The following NYAP2 variants were observed in gnomAD, a reference collection of about 807,000 sequenced individuals.
NYAP2 encodes the protein neuronal tyrosine-phosphorylated phosphoinositide-3-kinase adapter 2.
In NYAP2, 23 loss-of-function variants were observed where a neutral mutation model predicts 50.4. The ratio of observed to expected loss-of-function variants is 0.46; its 90% confidence interval spans 0.33 to 0.65. NYAP2 has a LOEUF of 0.65. Ranked by LOEUF, NYAP2 falls within the 30% of genes least tolerant of loss-of-function variation. The pLI is 0.02. For missense variants in NYAP2, 885 were observed against 861.0 expected, an observed-to-expected ratio of 1.03 and a Z score of -0.35; for synonymous variants, 394 against 365.2, an observed-to-expected ratio of 1.08 and a Z score of -0.90.
chr2:225,573,557 TTTA>T (rs140417749), intron 4 of NYAP2, among the ~76,000 whole-genome samples: 3,816 of 152,036 alleles, frequency 0.025, 150 homozygotes, highest in African/African-American at 0.087. Flanking sequence ...GCCCCAAAAT[TTTA>T]TTATTTCTTG....
chr2:225,691,421 T>C, the NYAP2 span, among the ~76,000 whole-genome samples: 2 of 152,258 alleles, frequency 1.3e-5, no homozygotes, highest in South Asian at 4.2e-4. Context: ...TTTAAAAATA[T>C]AAAAACAAAT....
chr2:225,408,498 C>T (rs925976957), intron 2 of NYAP2, among the ~76,000 whole-genome samples: 3 of 151,962 alleles, frequency 2.0e-5, no homozygotes, highest in African/African-American at 7.2e-5. Context: ...ATCAGAAATA[C>T]ATGAAGTTTG....
At chr2:225,566,893 G>T (rs529107677) in intron 4 of NYAP2, among the ~76,000 whole-genome samples, 2 of 152,138 alleles carry the variant, frequency 1.3e-5, no homozygotes, top group East Asian at 3.9e-4. Flanking sequence ...TAGATCTCTC[G>T]GTTTGAGGAA....
At position 225,617,378 on chromosome 2, in the gene NYAP2, G is replaced by A. The variant is rs917068397; in HGVS notation, c.1619-9539G>A. Among the ~76,000 whole-genome samples, 3 of 151,900 alleles carry A rather than the reference G, an allele frequency of 2.0e-5. No homozygotes were observed. In the East Asian group the frequency reaches 5.8e-4, roughly 29 times the overall value. ...CGGGAGATGGAGGTTGCGGTGAGCC[G>A]AGATTGCACCATTGCACTCCAGCCT... On this transcript the variant is annotated intron_variant, in intron 5 of 6. Transcript: ENST00000636099.
intron 3 of NYAP2, among the ~76,000 whole-genome samples, chr2:225,467,987 G>A (rs1689949128): frequency 1.3e-5 from 2 of 152,134 alleles, no homozygotes; most frequent in African/African-American, 4.8e-5. Context: ...AAAAAAGGGT[G>A]AACTGGAGAA....
intron 3 of NYAP2, among the ~76,000 whole-genome samples, chr2:225,483,087 CTG>C (rs1690232865): frequency 6.6e-6 from 1 of 152,142 alleles, no homozygotes; most frequent in African/African-American, 2.4e-5. Flanking sequence ...ATGTGAAAAT[CTG>C]TCATTTATTT....
At chr2:225,517,904 T>G (rs1690963913) in intron 4 of NYAP2, among the ~76,000 whole-genome samples, 1 of 152,016 alleles carries the variant, frequency 6.6e-6, no homozygotes, top group Non-Finnish European at 1.5e-5. Context: ...AAGATAGCCA[T>G]TAAGGAATAG....
intron 3 of NYAP2, among the ~76,000 whole-genome samples, chr2:225,502,836 G>C (rs770732880): frequency 6.6e-6 from 1 of 152,102 alleles, no homozygotes; most frequent in African/African-American, 2.4e-5. Context: ...GAAATCATAG[G>C]GGTTCAAGAG....
intron 3 of NYAP2, among the ~76,000 whole-genome samples, chr2:225,457,230 C>G (rs1222961988): frequency 2.0e-5 from 3 of 152,148 alleles, no homozygotes; most frequent in Non-Finnish European, 1.5e-5. Flanking sequence ...CTACTCAGTT[C>G]TGAAACTAGT....
At chr2:225,495,050 AT>A (rs1382214259) in intron 3 of NYAP2, among the ~76,000 whole-genome samples, 4 of 152,220 alleles carry the variant, frequency 2.6e-5, no homozygotes, top group Non-Finnish European at 5.9e-5. Flanking sequence ...ACATAACTTT[AT>A]GCATAAAGTT....
intron 4 of NYAP2, among the ~76,000 whole-genome samples, chr2:225,550,708 G>T (rs1323799654): frequency 6.6e-6 from 1 of 152,158 alleles, no homozygotes; most frequent in African/African-American, 2.4e-5. Context: ...AGAGAAGAAA[G>T]AAACACTGAT....
chr2:225,604,268 C>T (rs1692746746), intron 5 of NYAP2, among the ~76,000 whole-genome samples: 4 of 152,104 alleles, frequency 2.6e-5, no homozygotes, highest in South Asian at 4.1e-4. Flanking sequence ...GGTATTGCCA[C>T]ATAAAATTCC....
At chr2:225,687,862 A>G in the NYAP2 span, among the ~76,000 whole-genome samples, 1 of 152,276 alleles carries the variant, frequency 6.6e-6, no homozygotes, top group East Asian at 1.9e-4. Flanking sequence ...CGCCCTCTTG[A>G]GTTAGTATAA....
At chr2:225,635,684 A>T (rs954532619) in intron 6 of NYAP2, among the ~76,000 whole-genome samples, 1 of 152,320 alleles carries the variant, frequency 6.6e-6, no homozygotes, top group African/African-American at 2.4e-5. Context: ...ATTTTTCAAC[A>T]AAGATTTGTG....
chr2:225,529,730 C>A (rs144521922), intron 4 of NYAP2, among the ~76,000 whole-genome samples: 1 of 151,344 alleles, frequency 6.6e-6, no homozygotes. Flanking sequence ...TTTTTTGAGA[C>A]GGAGTCTCAC....
At chr2:225,475,998 A>T (rs1690098414) in intron 3 of NYAP2, among the ~76,000 whole-genome samples, 1 of 152,216 alleles carries the variant, frequency 6.6e-6, no homozygotes, top group East Asian at 1.9e-4. Flanking sequence ...AACCTATTTA[A>T]TGGAATAATT....
At chr2:225,451,853 T>C (rs1327873543) in intron 3 of NYAP2, among the ~76,000 whole-genome samples, 2 of 152,232 alleles carry the variant, frequency 1.3e-5, no homozygotes, top group Non-Finnish European at 2.9e-5. Context: ...CATTCACTCT[T>C]GAATTGCTTT....
At chr2:225,624,626 C>T (rs1693176389) in intron 5 of NYAP2, among the ~76,000 whole-genome samples, 1 of 152,050 alleles carries the variant, frequency 6.6e-6, no homozygotes, top group South Asian at 2.1e-4. Context: ...TGTGATTTGG[C>T]AATTTTCCAT....
intron 4 of NYAP2, among the ~76,000 whole-genome samples, chr2:225,573,309 T>A (rs1036830131): frequency 6.6e-5 from 10 of 150,450 alleles, no homozygotes; most frequent in Admixed American, 1.3e-4. Context: ...TGGAGTGCAA[T>A]GCCGTGATCT....
Sources: allele counts gnomAD v4.1 joint callset (sites outside exome capture counted in the v4.1 genomes callset), GRCh38; gene constraint gnomAD v4.1.1; transcripts MANE v1.5; gene names NCBI Gene and HGNC (gene_info 2026-07-23, HGNC 2026-07-21).